Variants in NIPAL2 observed in about 807,000 individuals in gnomAD.
NIPAL2 encodes the protein NIPA like domain containing 2.
Under a neutral mutation model 48.9 loss-of-function variants are expected in NIPAL2, and 43 were observed. The observed-to-expected ratio is 0.88, with a 90% CI of 0.69 to 1.13. The LOEUF (loss-of-function observed/expected upper bound fraction) is 1.13. NIPAL2 is among the 50% of genes most tolerant of loss of function. NIPAL2 has a pLI of 0.00. For synonymous variants in NIPAL2, 167 were observed against 174.6 expected, an observed-to-expected ratio of 0.96 and a Z score of 0.34; for missense variants, 446 against 461.4, an observed-to-expected ratio of 0.97 and a Z score of 0.31.
chr8:98,266,738 C>T (rs182785313), intron 1 of NIPAL2, among the ~76,000 whole-genome samples: 3 of 151,336 alleles, frequency 2.0e-5, no homozygotes, highest in East Asian at 1.9e-4. Context: ...GCAAAAACAC[C>T]AATTTTATTT....
chr8:98,290,204 A>G (rs1272503331), intron 1 of NIPAL2, among the ~76,000 whole-genome samples: 1 of 152,170 alleles, frequency 6.6e-6, no homozygotes, highest in Non-Finnish European at 1.5e-5. Flanking sequence ...GTCACATAGT[A>G]AATGCATAAC....
At chr8:98,269,907 G>A (rs1586454372) in intron 1 of NIPAL2, among the ~76,000 whole-genome samples, 1 of 152,160 alleles carries the variant, frequency 6.6e-6, no homozygotes, top group African/African-American at 2.4e-5. Flanking sequence ...CAAGATTTTA[G>A]CTTCCACTTA....
intron 5 of NIPAL2, among the ~76,000 whole-genome samples, chr8:98,220,964 CTTTTTTTT>C (rs557824737): frequency 1.6e-4 from 11 of 68,666 alleles, no homozygotes; most frequent in South Asian, 6.8e-4. Flanking sequence ...TCATTTCATT[CTTTTTTTT>C]TTTTTTTTTT....
chr8:98,270,076 A>G (rs1018683960), intron 1 of NIPAL2, among the ~76,000 whole-genome samples: 1 of 152,088 alleles, frequency 6.6e-6, no homozygotes, highest in Non-Finnish European at 1.5e-5. Flanking sequence ...TTCTTTATCC[A>G]GTCTACTGTT....
chr8:98,253,424 A>C (rs1344144437), intron 2 of NIPAL2, among the ~76,000 whole-genome samples: 6 of 152,230 alleles, frequency 3.9e-5, no homozygotes, highest in Admixed American at 3.3e-4. Context: ...GATTCATGAA[A>C]TGATTTAAAA....
At chr8:98,284,153 C>A (rs535829291) in intron 1 of NIPAL2, among the ~76,000 whole-genome samples, 1 of 152,170 alleles carries the variant, frequency 6.6e-6, no homozygotes, top group East Asian at 1.9e-4. Flanking sequence ...TCATATGACA[C>A]CCACACGATT....
At chr8:98,209,725 A>G (rs1396068208) in intron 6 of NIPAL2, among the ~76,000 whole-genome samples, 3 of 151,478 alleles carry the variant, frequency 2.0e-5, no homozygotes, top group African/African-American at 7.3e-5. Flanking sequence ...ATATTAGTTC[A>G]TAGTGTTTTT....
intron 8 of NIPAL2, among the ~76,000 whole-genome samples, chr8:98,200,717 C>T (rs966026004): frequency 1.3e-5 from 2 of 152,146 alleles, no homozygotes; most frequent in Admixed American, 1.3e-4. Context: ...TCCATAATGG[C>T]TGCACCATTT....
At chr8:98,272,750 G>A (rs1815215422) in intron 1 of NIPAL2, among the ~76,000 whole-genome samples, 1 of 151,872 alleles carries the variant, frequency 6.6e-6, no homozygotes. Context: ...GAGTAACTGT[G>A]ACTACAGACG....
At chr8:98,271,684 T>C (rs2130879371) in intron 1 of NIPAL2, among the ~76,000 whole-genome samples, 1 of 152,318 alleles carries the variant, frequency 6.6e-6, no homozygotes, top group East Asian at 1.9e-4. Flanking sequence ...ATGCCCTTTA[T>C]TTCTTTCTCT....
At chr8:98,284,414 TCTCTCA>T (rs951102671) in intron 1 of NIPAL2, among the ~76,000 whole-genome samples, 18 of 100,840 alleles carry the variant, frequency 1.8e-4, no homozygotes, top group East Asian at 1.2e-3. Context: ...TCTCTCTCTC[TCTCTCA>T]CACACACACA....
chr8:98,269,880 A>G (rs762830292), intron 1 of NIPAL2, among the ~76,000 whole-genome samples: 13 of 152,110 alleles, frequency 8.5e-5, no homozygotes, highest in Non-Finnish European at 2.9e-5. Context: ...GTTCCCAACT[A>G]TATGTCCATG....
chr8:98,267,389 T>A (rs1814839149), intron 1 of NIPAL2, among the ~76,000 whole-genome samples: 1 of 151,960 alleles, frequency 6.6e-6, no homozygotes, highest in African/African-American at 2.4e-5. Flanking sequence ...AGTGGTATGA[T>A]GACAGCTCAC....
intron 3 of NIPAL2, among the ~76,000 whole-genome samples, chr8:98,239,980 C>T (rs1012909537): frequency 6.6e-6 from 1 of 152,152 alleles, no homozygotes; most frequent in Non-Finnish European, 1.5e-5. Context: ...TAGTTGCTAT[C>T]ACAATAACCA....
chr8:98,200,881 A>G (rs1225774386), intron 8 of NIPAL2, among the ~76,000 whole-genome samples: 1 of 152,202 alleles, frequency 6.6e-6, no homozygotes, highest in Non-Finnish European at 1.5e-5. Flanking sequence ...AGAAGTGTTG[A>G]ACATCTTTTC....
At chr8:98,196,081 T>A in intron 8 of NIPAL2, 76 bp from the exon 9 acceptor site, 1 of 887,960 alleles carries the variant, frequency 1.1e-6, no homozygotes. Flanking sequence ...GTTTGTAAAA[T>A]TATGTTAATA....
Position 98,294,183 on chromosome 8 carries a change from C to G in NIPAL2, c.-46G>C, listed in dbSNP as rs910984195. On this transcript the variant is annotated 5_prime_UTR_variant, in exon 1 of 11. Coordinates refer to ENST00000430223, the MANE Select transcript of NIPAL2 (RefSeq NM_001321635.2). ...CGGGCTCCGGCTCGGGCTGCGGCCG[C>G]CTCCCCGCCCTGTTGCACCGCGAGG... is the stretch of plus-strand genomic sequence containing the variant. 21 of 1,295,188 alleles carry G rather than the reference C, an allele frequency of 1.6e-5. No individual in the cohort carries two copies. Among genetic ancestry groups the G allele is most frequent in the Non-Finnish European group, 2.1e-5 (21 of 1,023,604 alleles). 80.2% of individuals were successfully genotyped at this position (1,295,188 alleles called of 1,614,324 possible).
intron 6 of NIPAL2, among the ~76,000 whole-genome samples, chr8:98,208,095 A>C (rs1167765470): frequency 1.3e-5 from 2 of 152,232 alleles, no homozygotes; most frequent in East Asian, 3.8e-4. Flanking sequence ...CCTTCCAGAG[A>C]GTACCAGTCA....
At chr8:98,215,763 T>C (rs1449178915) in intron 5 of NIPAL2, among the ~76,000 whole-genome samples, 1 of 152,150 alleles carries the variant, frequency 6.6e-6, no homozygotes, top group Non-Finnish European at 1.5e-5. Context: ...CTTCCTTCCT[T>C]TGTTTTCTGT....
Sources: gnomAD v4.1 joint callset for allele counts (sites outside exome capture counted in the v4.1 genomes callset) on GRCh38, gnomAD v4.1.1 for gene constraint, MANE v1.5 for transcripts, NCBI Gene and HGNC (gene_info 2026-07-23, HGNC 2026-07-21) for gene names.